Variants in SUCLG2 observed in about 807,000 individuals in gnomAD.
SUCLG2 encodes succinate--CoA ligase [GDP-forming] subunit beta, mitochondrial.
A neutral mutation model predicts 47.9 loss-of-function variants in SUCLG2; 42 were observed. That is an observed-to-expected ratio of 0.88 (90% CI 0.69 to 1.14). The LOEUF (loss-of-function observed/expected upper bound fraction) is 1.14. Among genes scored for constraint, SUCLG2 ranks in the 50% most tolerant of loss-of-function variants. The pLI, the probability that SUCLG2 is intolerant of heterozygous loss-of-function variation, is 0.00. For missense variants in SUCLG2, 571 were observed against 525.9 expected (o/e 1.09, Z -0.84); for synonymous variants, 195 against 197.3 (o/e 0.99, Z 0.10).
At chr3:67,502,963 T>C (rs1379626788) in intron 7 of SUCLG2, among the ~76,000 whole-genome samples, 1 of 152,164 alleles carries the variant, frequency 6.6e-6, no homozygotes, top group African/African-American at 2.4e-5. Flanking sequence ...AGGCCAAGGC[T>C]AAAGATTGGT....
rs376636098 is a variant in SUCLG2, at chr3:67,495,978, T to C, written c.920-38A>G. Reference sequence around the variant, plus strand: ...AATGGGACACAAGACAGGCTACATTTAGCAACATGAAATGGTCCATAAACA... The same window carrying C: ...AATGGGACACAAGACAGGCTACATTCAGCAACATGAAATGGTCCATAAACA... On this transcript the variant is annotated intron_variant, in intron 8 of 10. Coordinates refer to ENST00000307227, the MANE Select transcript of SUCLG2 (RefSeq NM_003848.4). 6.1e-5 allele frequency: 99 copies of C among 1,612,574 alleles called. No homozygotes were observed. In the East Asian group the frequency reaches 1.1e-3, roughly 17 times the overall value.
rs751693765 is a variant in SUCLG2, at chr3:67,648,630, T to A, written c.84+5873A>T. Among the ~76,000 whole-genome samples the A allele has an allele frequency of 2.1e-4, 32 of 152,226 alleles. 1 individual carries two copies. Among genetic ancestry groups the A allele is most frequent in the Middle Eastern group, 3.2e-3 (1 of 316 alleles). Reference sequence around the variant, plus strand: ...CTGTGAAATCTCCCCTGCAGTGATGTTGTAAGGGTTAAAGAAATAATGTGT... The same window carrying A: ...CTGTGAAATCTCCCCTGCAGTGATGATGTAAGGGTTAAAGAAATAATGTGT... On this transcript the variant is annotated intron_variant, in intron 1 of 10. Coordinates refer to ENST00000307227, the MANE Select transcript of SUCLG2 (RefSeq NM_003848.4).
Position 67,411,010 on chromosome 3 carries a change from C to T in SUCLG2, c.1063-10159G>A, listed in dbSNP as rs4289360. ...TATGTCATCTTGATGCATGTAAATACGTATACTCCATCATCATTTGTTGGA... is the reference window on the plus strand; with the variant it reads ...TATGTCATCTTGATGCATGTAAATATGTATACTCCATCATCATTTGTTGGA... On this transcript the variant is annotated intron_variant, in intron 9 of 10. Transcript: ENST00000307227. Among the ~76,000 whole-genome samples, 21 of 152,146 alleles carry T rather than the reference C, an allele frequency of 1.4e-4. 1 individual carries two copies. The highest frequency in any genetic ancestry group is 1.1e-3 in the Admixed American group (17 of 15,264).
intron 10 of SUCLG2, among the ~76,000 whole-genome samples, chr3:67,389,562 T>C (rs1702334906): frequency 6.6e-6 from 1 of 152,216 alleles, no homozygotes; most frequent in African/African-American, 2.4e-5. Context: ...ACAGGGACCT[T>C]TGCGAAATGT....
intron 2 of SUCLG2, among the ~76,000 whole-genome samples, chr3:67,535,544 T>A (rs970300366): frequency 9.2e-5 from 14 of 152,040 alleles, no homozygotes; most frequent in African/African-American, 3.4e-4. Flanking sequence ...CGGGAGACGA[T>A]CCCTTATGAA....
intron 6 of SUCLG2, among the ~76,000 whole-genome samples, chr3:67,513,770 A>G (rs1210164218): frequency 6.6e-6 from 1 of 152,222 alleles, no homozygotes; most frequent in African/African-American, 2.4e-5. Context: ...TTTGCCATCA[A>G]TTGTTATTTT....
At chr3:67,596,011 T>G (rs1277782541) in intron 2 of SUCLG2, among the ~76,000 whole-genome samples, 1 of 152,228 alleles carries the variant, frequency 6.6e-6, no homozygotes, top group Admixed American at 6.5e-5. Context: ...ATCATTCCAT[T>G]TTGTAAATGT....
chr3:67,536,621 T>G (rs1286864066), intron 2 of SUCLG2, among the ~76,000 whole-genome samples: 4 of 152,216 alleles, frequency 2.6e-5, no homozygotes, highest in Admixed American at 2.0e-4. Context: ...TCAGGAACCC[T>G]TCACCTCTCC....
chr3:67,450,050 A>G (rs183108531), intron 9 of SUCLG2, among the ~76,000 whole-genome samples: 1 of 151,496 alleles, frequency 6.6e-6, no homozygotes, highest in Non-Finnish European at 1.5e-5. Context: ...AAAATTAACT[A>G]ATTAATTTAG....
In SUCLG2 at chr3:67,443,395, C is replaced by T. The variant is rs370471771; in HGVS notation, c.1063-42544G>A. ...CGGCTGGAGGAGCGGACGGGCCCCGCGGGGCCCGAGGGCAAGGAGCAGCCG... is the reference window on the plus strand; with the variant it reads ...CGGCTGGAGGAGCGGACGGGCCCCGTGGGGCCCGAGGGCAAGGAGCAGCCG... On this transcript the variant is annotated intron_variant, in intron 9 of 10. Transcript: ENST00000307227. Among the ~76,000 whole-genome samples the T allele has an allele frequency of 0.012, 886 of 73,796 alleles. 304 individuals carry two copies. In the East Asian group the frequency reaches 0.13, roughly 11 times the overall value. 48.4% of individuals were successfully genotyped at this position (73,796 alleles called of 152,430 possible).
intron 9 of SUCLG2, among the ~76,000 whole-genome samples, chr3:67,405,493 G>A (rs1027286889): frequency 1.3e-5 from 2 of 152,072 alleles, no homozygotes; most frequent in Admixed American, 6.6e-5. Flanking sequence ...CCTCAGTCAG[G>A]TGAATTCACA....
intron 1 of SUCLG2, among the ~76,000 whole-genome samples, chr3:67,621,068 G>A (rs1265065178): frequency 1.3e-5 from 2 of 152,174 alleles, no homozygotes; most frequent in Non-Finnish European, 2.9e-5. Context: ...AAATATTATA[G>A]GCTTTGAGGC....
intron 9 of SUCLG2, among the ~76,000 whole-genome samples, chr3:67,476,499 A>G (rs970642678): frequency 4.6e-5 from 7 of 152,124 alleles, no homozygotes; most frequent in African/African-American, 1.7e-4. Flanking sequence ...CACTGATTCT[A>G]CATTATGGTG....
intron 6 of SUCLG2, chr3:67,513,997 C>A: frequency 3.4e-6 from 1 of 295,342 alleles, no homozygotes; most frequent in South Asian, 3.5e-5. Context: ...GACCCTCTAC[C>A]CAGCGGAATA....
intron 9 of SUCLG2, among the ~76,000 whole-genome samples, chr3:67,469,087 T>A (rs1028823945): frequency 6.6e-6 from 1 of 152,164 alleles, no homozygotes; most frequent in Non-Finnish European, 1.5e-5. Flanking sequence ...AAGATGGAGA[T>A]GCCCTCATAC....
At chr3:67,418,764 T>G (rs1346419779) in intron 9 of SUCLG2, among the ~76,000 whole-genome samples, 2 of 152,144 alleles carry the variant, frequency 1.3e-5, no homozygotes, top group African/African-American at 4.8e-5. Context: ...ACCATCCTGG[T>G]TAATCTCTGC....
At chr3:67,512,166 T>G (rs537627921) in intron 6 of SUCLG2, among the ~76,000 whole-genome samples, 2 of 151,328 alleles carry the variant, frequency 1.3e-5, no homozygotes, top group South Asian at 4.2e-4. Context: ...CATGGAAATT[T>G]CACAATAATG....
intron 9 of SUCLG2, among the ~76,000 whole-genome samples, chr3:67,481,133 A>C (rs1223989003): frequency 6.6e-6 from 1 of 152,248 alleles, no homozygotes; most frequent in Non-Finnish European, 1.5e-5. Context: ...GACTTGTATT[A>C]TTATAAAATG....
At chr3:67,596,304 C>G (rs1708291435) in intron 2 of SUCLG2, among the ~76,000 whole-genome samples, 1 of 152,160 alleles carries the variant, frequency 6.6e-6, no homozygotes, top group Non-Finnish European at 1.5e-5. Flanking sequence ...TATTACTTCT[C>G]TGTTTAAAGC....
Sources: allele counts gnomAD v4.1 joint callset (sites outside exome capture counted in the v4.1 genomes callset), GRCh38; gene constraint gnomAD v4.1.1; transcripts MANE v1.5; gene names NCBI Gene and HGNC (gene_info 2026-07-23, HGNC 2026-07-21).